Variants in SNX29 observed in about 807,000 individuals in gnomAD.
SNX29 encodes the protein sorting nexin 29.
In SNX29, 78 loss-of-function variants were observed where a neutral mutation model predicts 102.1. The observed-to-expected ratio is 0.76, with a 90% confidence interval of 0.64 to 0.92. SNX29 has a LOEUF of 0.92. Among genes scored for constraint, SNX29 ranks in the 40% least tolerant of loss-of-function variants. SNX29 has a pLI of 0.00. For missense variants in SNX29, 1,280 were observed against 1,061.7 expected (o/e 1.21, Z -2.86); for synonymous variants, 580 against 414.5 (o/e 1.40, Z -4.85).
intron 3 of SNX29, among the ~76,000 whole-genome samples, chr16:12,013,695 A>G (rs1004016683): frequency 1.3e-5 from 2 of 150,890 alleles, no homozygotes; most frequent in Non-Finnish European, 2.9e-5. Flanking sequence ...CCCAGCCTGG[A>G]GTGCAGTGGC....
intron 20 of SNX29, among the ~76,000 whole-genome samples, chr16:12,547,723 C>T (rs146128407): frequency 1.1e-4 from 17 of 152,132 alleles, no homozygotes; most frequent in Admixed American, 1.1e-3. Context: ...AGCATGGCAC[C>T]CATCACTGCC....
chr16:12,163,378 G>A (rs1364836230), intron 13 of SNX29, among the ~76,000 whole-genome samples: 1 of 152,134 alleles, frequency 6.6e-6, no homozygotes, highest in Non-Finnish European at 1.5e-5. Context: ...GCTTGAGAGG[G>A]CCTGGTGTGT....
chr16:12,567,582 C>G (rs547472663), intron 20 of SNX29, among the ~76,000 whole-genome samples: 2 of 152,118 alleles, frequency 1.3e-5, no homozygotes, highest in South Asian at 2.1e-4. Context: ...CCAGCCTGGA[C>G]AAGAGCAAGA....
At chr16:12,346,970 G>A (rs996021376) in intron 15 of SNX29, among the ~76,000 whole-genome samples, 4 of 152,104 alleles carry the variant, frequency 2.6e-5, no homozygotes, top group Non-Finnish European at 4.4e-5. Flanking sequence ...AAGCGATGAC[G>A]GTCACCTAAA....
intron 11 of SNX29, among the ~76,000 whole-genome samples, chr16:12,125,673 G>T (rs2054183780): frequency 7.5e-6 from 1 of 133,032 alleles, no homozygotes; most frequent in African/African-American, 2.9e-5. Context: ...GACCAGGCTG[G>T]TCCTGAACTC....
At chr16:12,073,282 C>T (rs145873842) in intron 10 of SNX29, among the ~76,000 whole-genome samples, 1 of 152,078 alleles carries the variant, frequency 6.6e-6, no homozygotes, top group African/African-American at 2.4e-5. Flanking sequence ...AATTTTGGAT[C>T]TTTCCTGCTT....
chr16:12,289,699 A>G (rs1473036772), intron 15 of SNX29, among the ~76,000 whole-genome samples: 1 of 152,170 alleles, frequency 6.6e-6, no homozygotes, highest in Non-Finnish European at 1.5e-5. Flanking sequence ...GGCGATAGAT[A>G]AAAATACTTG....
intron 14 of SNX29, among the ~76,000 whole-genome samples, chr16:12,216,100 A>G (rs1453363373): frequency 1.3e-5 from 2 of 152,260 alleles, no homozygotes; most frequent in Non-Finnish European, 2.9e-5. Flanking sequence ...AAGTTGTTGA[A>G]AAACAATTTG....
At chr16:12,422,566 T>C (rs919146073) in intron 18 of SNX29, among the ~76,000 whole-genome samples, 3 of 152,240 alleles carry the variant, frequency 2.0e-5, no homozygotes, top group African/African-American at 4.8e-5. Context: ...TCGTCTTCCC[T>C]GGGCTCCTTG....
chr16:12,394,449 A>G (rs1041047149), intron 16 of SNX29, among the ~76,000 whole-genome samples: 1 of 152,218 alleles, frequency 6.6e-6, no homozygotes, highest in African/African-American at 2.4e-5. Flanking sequence ...TTTATGGATT[A>G]TATGTCTCTG....
At chr16:12,015,882 T>G (rs115560959) in intron 3 of SNX29, among the ~76,000 whole-genome samples, 8 of 150,420 alleles carry the variant, frequency 5.3e-5, no homozygotes, top group Non-Finnish European at 7.4e-5. Context: ...TTATTTTTTT[T>G]GGGACAGAAT....
At chr16:12,151,709 T>C (rs1430556641) in intron 13 of SNX29, among the ~76,000 whole-genome samples, 3 of 152,184 alleles carry the variant, frequency 2.0e-5, no homozygotes, top group Non-Finnish European at 4.4e-5. Context: ...CCTACTCTTC[T>C]ACATTTATTT....
intron 16 of SNX29, among the ~76,000 whole-genome samples, chr16:12,360,964 T>C (rs2082283545): frequency 6.6e-6 from 1 of 152,218 alleles, no homozygotes; most frequent in Admixed American, 6.5e-5. Flanking sequence ...TTCTCCAAGC[T>C]ACACCAGCTC....
At chr16:12,022,589 C>G (rs181854937) in intron 3 of SNX29, among the ~76,000 whole-genome samples, 3 of 152,140 alleles carry the variant, frequency 2.0e-5, no homozygotes, top group Admixed American at 2.0e-4. Flanking sequence ...CCCCCAAATT[C>G]CCTTGTGCTA....
At chr16:12,542,313 T>G (rs2077378781) in intron 20 of SNX29, among the ~76,000 whole-genome samples, 1 of 152,154 alleles carries the variant, frequency 6.6e-6, no homozygotes, top group Non-Finnish European at 1.5e-5. Flanking sequence ...GCTAGTAAGT[T>G]TTAGAGCTGC....
chr16:12,286,556 A>G (rs1303915332), intron 15 of SNX29, among the ~76,000 whole-genome samples: 1 of 151,612 alleles, frequency 6.6e-6, no homozygotes, highest in Non-Finnish European at 1.5e-5. Flanking sequence ...CGTGTAAGCC[A>G]GGATGGTCTC....
At chr16:12,019,395 C>CG (rs2056948033) in intron 3 of SNX29, among the ~76,000 whole-genome samples, 1 of 151,704 alleles carries the variant, frequency 6.6e-6, no homozygotes. Context: ...TTAGTGGAGA[C>CG]AGGGTTTCAC....
chr16:12,301,277 A>T lies in SNX29; in HGVS notation c.1782+23241A>T, dbSNP rs139210674. 8.3e-3 allele frequency among the ~76,000 whole-genome samples: 1,267 copies of T among 152,328 alleles called. 29 individuals carry two copies. Among genetic ancestry groups the T allele is most frequent in the African/African-American group, 0.028 (1,183 of 41,570 alleles). Reference sequence around the variant, plus strand: ...AGTAGACTCCTTCCTGTACTCTGCAAGCTGATTCCAAATCCGCCCACGCTC... The same window carrying T: ...AGTAGACTCCTTCCTGTACTCTGCATGCTGATTCCAAATCCGCCCACGCTC... On this transcript the variant is annotated intron_variant, in intron 15 of 20. Transcript: ENST00000566228.
chr16:12,429,037 A>G lies in SNX29; in HGVS notation c.2037+25508A>G, dbSNP rs536231489. Among the ~76,000 whole-genome samples the G allele has an allele frequency of 5.9e-5, 9 of 151,522 alleles. 1 individual carries two copies. Among genetic ancestry groups the G allele is most frequent in the Non-Finnish European group, 1.3e-4 (9 of 67,858 alleles). On this transcript the variant is annotated intron_variant, in intron 18 of 20. Coordinates refer to ENST00000566228, the MANE Select transcript of SNX29 (RefSeq NM_032167.5). ...GATACGATTGCAATTAATATCTCCT[A>G]GTTAATCCCAACACACAGATACGAT... is the stretch of plus-strand genomic sequence containing the variant.
Sources: allele counts gnomAD v4.1 joint callset (sites outside exome capture counted in the v4.1 genomes callset), GRCh38; gene constraint gnomAD v4.1.1; transcripts MANE v1.5; gene names NCBI Gene and HGNC (gene_info 2026-07-23, HGNC 2026-07-21).